The following PCSK5 variants were observed in gnomAD, a reference collection of about 807,000 sequenced individuals.
PCSK5 encodes prohormone convertase 5.
A neutral mutation model predicts 233.2 loss-of-function variants in PCSK5; 129 were observed. The ratio of observed to expected loss-of-function variants is 0.55; its 90% CI spans 0.48 to 0.64. PCSK5 has a LOEUF of 0.64. PCSK5 is among the 30% of genes least tolerant of loss of function. The probability of loss-of-function intolerance (pLI) is 0.00; values close to 1 mark genes in which losing one functional copy is unlikely to be tolerated. For missense variants in PCSK5, 2,076 were observed against 2,430.1 expected, an observed-to-expected ratio of 0.85 and a Z score of 3.06; for synonymous variants, 825 against 879.2, an observed-to-expected ratio of 0.94 and a Z score of 1.09.
At chr9:76,186,005 A>T (rs1824085947) in intron 17 of PCSK5, among the ~76,000 whole-genome samples, 1 of 152,236 alleles carries the variant, frequency 6.6e-6, no homozygotes, top group Admixed American at 6.5e-5. Flanking sequence ...GCATGCCGGT[A>T]GAAACATGAG....
chr9:76,287,560 T>C (rs2842490), intron 24 of PCSK5: 31,996 of 152,280 alleles, frequency 0.21, 3,478 homozygotes, highest in Middle Eastern at 0.27. Flanking sequence ...CCCGGGTACA[T>C]GCCATTCTCC....
chr9:76,346,232 T>C (rs1829978004), intron 35 of PCSK5, among the ~76,000 whole-genome samples: 1 of 152,232 alleles, frequency 6.6e-6, no homozygotes, highest in Non-Finnish European at 1.5e-5. Flanking sequence ...CTCTATTCTT[T>C]TCCATTGGTC....
intron 2 of PCSK5, among the ~76,000 whole-genome samples, chr9:75,973,323 C>T (rs1318594737): frequency 6.6e-6 from 1 of 152,146 alleles, no homozygotes; most frequent in Non-Finnish European, 1.5e-5. Context: ...AACCTAGGTC[C>T]AGATGCTCCT....
intron 2 of PCSK5, 108 bp downstream of exon 2, chr9:75,932,591 A>AC (rs1286781042): frequency 1.4e-6 from 1 of 709,116 alleles, no homozygotes; most frequent in African/African-American, 1.8e-5. Flanking sequence ...GATTTCTAGA[A>AC]CTGTCATATT....
At chr9:76,107,063 C>G (rs1017887271) in intron 8 of PCSK5, among the ~76,000 whole-genome samples, 188 bp from the exon 9 acceptor site, 1 of 131,344 alleles carries the variant, frequency 7.6e-6, no homozygotes, top group African/African-American at 2.9e-5. Context: ...CCAAACACTT[C>G]CCTTTTCAGA....
At chr9:76,256,659 C>T (rs1025754900) in intron 24 of PCSK5, among the ~76,000 whole-genome samples, 2 of 152,098 alleles carry the variant, frequency 1.3e-5, no homozygotes, top group African/African-American at 4.8e-5. Context: ...TTTCTGAAAC[C>T]CTTAGTCAAT....
chr9:76,100,038 A>C (rs1051316725), intron 8 of PCSK5, among the ~76,000 whole-genome samples: 2 of 152,232 alleles, frequency 1.3e-5, no homozygotes, highest in East Asian at 3.9e-4. Context: ...ATACGCAAAC[A>C]GGAAAGCCTT....
intron 34 of PCSK5, among the ~76,000 whole-genome samples, chr9:76,333,944 G>A (rs568912026): frequency 5.9e-5 from 9 of 152,200 alleles, no homozygotes; most frequent in South Asian, 2.1e-4. Context: ...GTTTTCACGC[G>A]GCTGATAAAG....
intron 3 of PCSK5, among the ~76,000 whole-genome samples, chr9:75,989,790 T>A (rs1382538125): frequency 1.3e-5 from 2 of 152,146 alleles, no homozygotes; most frequent in Non-Finnish European, 2.9e-5. Flanking sequence ...TTTTATGACA[T>A]CTAACCTCAG....
chr9:75,970,019 G>T (rs529091687), intron 2 of PCSK5, among the ~76,000 whole-genome samples: 34 of 152,032 alleles, frequency 2.2e-4, no homozygotes, highest in South Asian at 8.3e-4. Context: ...GATTACAGGT[G>T]TGCACCACCA....
intron 11 of PCSK5, among the ~76,000 whole-genome samples, chr9:76,158,047 C>T (rs1281646973): frequency 6.6e-6 from 1 of 151,646 alleles, no homozygotes; most frequent in Admixed American, 6.6e-5. Context: ...ATTTTTCTCG[C>T]ACTTACTGAA....
At chr9:76,191,742 G>A (rs1039872839) in intron 20 of PCSK5, among the ~76,000 whole-genome samples, 4 of 152,142 alleles carry the variant, frequency 2.6e-5, no homozygotes, top group African/African-American at 9.7e-5. Flanking sequence ...TGGCACCCCA[G>A]GGGCCACGTA....
chr9:76,070,120 C>A (rs1383335942), intron 6 of PCSK5, among the ~76,000 whole-genome samples: 2 of 151,702 alleles, frequency 1.3e-5, no homozygotes, highest in Admixed American at 1.3e-4. Flanking sequence ...TCTGCCTCAG[C>A]CTCCCGAGTA....
chr9:75,929,861 C>CTTTT (rs146665133), intron 1 of PCSK5, among the ~76,000 whole-genome samples: 1 of 135,162 alleles, frequency 7.4e-6, no homozygotes, highest in African/African-American at 2.7e-5. Flanking sequence ...TGTCAGATCT[C>CTTTT]TTTTTTTTTT....
chr9:76,186,433 A>G (rs1824105978), intron 17 of PCSK5, among the ~76,000 whole-genome samples: 1 of 152,212 alleles, frequency 6.6e-6, no homozygotes, highest in Non-Finnish European at 1.5e-5. Flanking sequence ...TCTTAGCCAT[A>G]CTATAGCCAC....
At chr9:76,138,205 A>C (rs1823057492) in intron 10 of PCSK5, among the ~76,000 whole-genome samples, 1 of 152,114 alleles carries the variant, frequency 6.6e-6, no homozygotes, top group African/African-American at 2.4e-5. Flanking sequence ...ACTTACATAC[A>C]GAAACAGAAA....
intron 22 of PCSK5, among the ~76,000 whole-genome samples, chr9:76,238,006 C>T (rs922854790): frequency 1.3e-5 from 2 of 152,140 alleles, no homozygotes; most frequent in African/African-American, 2.4e-5. Context: ...GATTCTGGAT[C>T]TCCATGTGGT....
intron 1 of PCSK5, among the ~76,000 whole-genome samples, chr9:75,907,254 C>T (rs377188228): frequency 6.6e-6 from 1 of 151,408 alleles, no homozygotes; most frequent in Non-Finnish European, 1.5e-5. Context: ...TAGTGTCTCA[C>T]TGTGTATACT....
At chr9:76,093,802 A>G (rs572904687) in intron 7 of PCSK5, among the ~76,000 whole-genome samples, 2 of 152,206 alleles carry the variant, frequency 1.3e-5, no homozygotes, top group East Asian at 1.9e-4. Context: ...GATGAGTTGG[A>G]ACATTCTTTC....
Sources: gnomAD v4.1 joint callset for allele counts (sites outside exome capture counted in the v4.1 genomes callset) on GRCh38, gnomAD v4.1.1 for gene constraint, MANE v1.5 for transcripts, NCBI Gene and HGNC (gene_info 2026-07-23, HGNC 2026-07-21) for gene names.